SOCS2: variants seen among roughly 807,000 people sequenced by gnomAD.
The protein encoded by SOCS2 is CIS-2.
In SOCS2, 10 loss-of-function variants were observed where a neutral mutation model predicts 18.6. The observed-to-expected ratio is 0.54, with a 90% CI of 0.33 to 0.91. The LOEUF is 0.91. Ranked by LOEUF, SOCS2 falls within the 40% of genes least tolerant of loss-of-function variation. The pLI, the probability that SOCS2 is intolerant of heterozygous loss-of-function variation, is 0.02. For synonymous variants in SOCS2, 104 were observed against 104.0 expected (o/e 1.00, Z 0.00); for missense variants, 231 against 247.2 (o/e 0.93, Z 0.44).
intron 1 of SOCS2, 73 bp downstream of exon 1, chr12:93,573,109 G>A: frequency 6.6e-7 from 1 of 1,517,476 alleles, no homozygotes; most frequent in South Asian, 1.2e-5. Context: ...AAGCGGGGTC[G>A]AGGTGGGAAG....
chr12:93,577,655 T>A (rs2136707532), downstream of SOCS2, among the ~76,000 whole-genome samples: 1 of 149,930 alleles, frequency 6.7e-6, no homozygotes, highest in South Asian at 2.1e-4. Flanking sequence ...TTCAACCAGA[T>A]CAACTGGAAA....
chr12:93,588,505 C>T, the SOCS2 span, among the ~76,000 whole-genome samples: 1 of 152,024 alleles, frequency 6.6e-6, no homozygotes, highest in Admixed American at 6.6e-5. Flanking sequence ...TCAAAACTCA[C>T]ATCACCAAAG....
At chr12:93,604,783 C>CTGGG in the SOCS2 span, among the ~76,000 whole-genome samples, 2 of 152,088 alleles carry the variant, frequency 1.3e-5, no homozygotes, top group Non-Finnish European at 2.9e-5. Flanking sequence ...CCTCAGCCCC[C>CTGGG]ATCGTAGCTG....
chr12:93,607,939 G>A, the SOCS2 span, among the ~76,000 whole-genome samples: 4 of 150,958 alleles, frequency 2.6e-5, no homozygotes, highest in East Asian at 7.7e-4. Flanking sequence ...CAACTTTATG[G>A]AAGAAAATTA....
chr12:93,623,780 C>T, the SOCS2 span, among the ~76,000 whole-genome samples: 1 of 152,182 alleles, frequency 6.6e-6, no homozygotes, highest in Non-Finnish European at 1.5e-5. Context: ...TCTCAGCTCA[C>T]TGCAACCTCC....
chr12:93,582,787 C>A (rs1954557886), intron 1 of SOCS2, among the ~76,000 whole-genome samples: 1 of 152,094 alleles, frequency 6.6e-6, no homozygotes, highest in African/African-American at 2.4e-5. Flanking sequence ...AATTGAAGAG[C>A]CTGGAGCCTT....
chr12:93,614,535 CCTTCCTTCTTTCTTTCTTTCTTT>C, the SOCS2 span, among the ~76,000 whole-genome samples: 3 of 88,350 alleles, frequency 3.4e-5, no homozygotes, highest in Non-Finnish European at 5.9e-5. Flanking sequence ...TTCCTTCCTT[CCTTCCTTCTTTCTTTCTTTCTTT>C]CTTTCTTTCT....
chr12:93,588,314 A>G (rs535920376), downstream of SOCS2, among the ~76,000 whole-genome samples: 2 of 152,378 alleles, frequency 1.3e-5, no homozygotes, highest in African/African-American at 2.4e-5. Flanking sequence ...ACTCACTGCC[A>G]TAAATTGTTA....
chr12:93,602,146 G>T, the SOCS2 span, among the ~76,000 whole-genome samples: 1 of 152,184 alleles, frequency 6.6e-6, no homozygotes, highest in Admixed American at 6.5e-5. Context: ...AGGCTGGAGT[G>T]CAGTGGCGCG....
chr12:93,618,858 G>T, the SOCS2 span, among the ~76,000 whole-genome samples: 1 of 152,176 alleles, frequency 6.6e-6, no homozygotes, highest in African/African-American at 2.4e-5. Flanking sequence ...ATCAGTCAGG[G>T]TACCAGCAAG....
At chr12:93,587,136 C>G (rs78992544), downstream of SOCS2, among the ~76,000 whole-genome samples, 2 of 151,722 alleles carry the variant, frequency 1.3e-5, no homozygotes. Flanking sequence ...CCACTGCACT[C>G]CTGCCTGGGT....
chr12:93,608,000 CTTTTT>C, the SOCS2 span, among the ~76,000 whole-genome samples: 1 of 124,454 alleles, frequency 8.0e-6, no homozygotes. Context: ...GACTGTAAAT[CTTTTT>C]TTTTTTTTTT....
Position 93,575,094 on chromosome 12 carries a change from T to C in SOCS2, c.512T>C (p.Ile171Thr). Residue 171 changes from isoleucine (I) to threonine (T), a missense_variant, in exon 2 of 2, where the codon ATT becomes ACT. Around this residue, in one of 3 missense-constraint regions of SOCS2, gnomAD observed 122 missense variants for 127.2 expected, o/e 0.96. Transcript: ENST00000551556. ...PSLQHLCRLT[I>T]NKCTGAIWGL... Reference sequence around the variant, plus strand: ...CTGCAGCATCTCTGTAGGCTCACCATTAACAAATGTACCGGTGCCATCTGG... The same window carrying C: ...CTGCAGCATCTCTGTAGGCTCACCACTAACAAATGTACCGGTGCCATCTGG... 1.9e-6 allele frequency: 3 copies of C among 1,612,476 alleles called. No individual in the cohort carries two copies. Among genetic ancestry groups the C allele is most frequent in the Non-Finnish European group, 2.5e-6 (3 of 1,179,508 alleles).
chr12:93,598,762 C>A, the SOCS2 span, among the ~76,000 whole-genome samples: 154 of 152,224 alleles, frequency 1.0e-3, 1 homozygote, highest in Non-Finnish European at 1.7e-3. Flanking sequence ...GAAATTCTAG[C>A]TTTTTTACTC....
chr12:93,577,760 C>T (rs933942135), downstream of SOCS2, among the ~76,000 whole-genome samples: 1 of 152,134 alleles, frequency 6.6e-6, no homozygotes, highest in African/African-American at 2.4e-5. Context: ...AAGGGGAGCT[C>T]ATAATGACTG....
intron 1 of SOCS2, 80 bp from the exon 2 acceptor site, chr12:93,574,642 C>A: frequency 1.0e-6 from 1 of 963,618 alleles, no homozygotes; most frequent in South Asian, 2.7e-5. Context: ...AAATTATTGC[C>A]AATTACTTGC....
the SOCS2 span, among the ~76,000 whole-genome samples, chr12:93,610,423 A>G: frequency 6.6e-6 from 1 of 152,148 alleles, no homozygotes; most frequent in South Asian, 2.1e-4. Flanking sequence ...TCTGAAGGGG[A>G]GCCTGTGAGT....
At chr12:93,573,148 G>A (rs758596169) in intron 1 of SOCS2, 112 bp downstream of exon 1, 143 of 1,363,802 alleles carry the variant, frequency 1.0e-4, no homozygotes, top group Middle Eastern at 1.8e-4. Context: ...TACGTCCCTT[G>A]CTTCCAAGGG....
At chr12:93,602,492 A>C in the SOCS2 span, among the ~76,000 whole-genome samples, 1 of 152,204 alleles carries the variant, frequency 6.6e-6, no homozygotes. Context: ...ACATATCGGC[A>C]TGAGAATGTG....
Sources: gnomAD v4.1 joint callset for allele counts (sites outside exome capture counted in the v4.1 genomes callset) on GRCh38, gnomAD v4.1.1 for gene constraint, gnomAD v4.1.1 regional missense constraint, MANE v1.5 for transcripts, NCBI Gene and HGNC (gene_info 2026-07-23, HGNC 2026-07-21) for gene names.